Variants in DLEU7 observed in about 807,000 individuals in gnomAD.
DLEU7 encodes the protein deleted in lymphocytic leukemia 7.
In DLEU7, 17 loss-of-function variants were observed where a neutral mutation model predicts 16.0. The ratio of observed to expected loss-of-function variants is 1.06; its 90% CI spans 0.73 to 1.59. The LOEUF (loss-of-function observed/expected upper bound fraction) is 1.59. Ranked by LOEUF, DLEU7 falls within the 40% of genes most tolerant of loss-of-function variation. The probability of loss-of-function intolerance (pLI) is 0.00; values close to 1 mark genes in which losing one functional copy is unlikely to be tolerated. For synonymous variants in DLEU7, 113 were observed against 139.8 expected, an observed-to-expected ratio of 0.81 and a Z score of 1.35; for missense variants, 308 against 314.9, an observed-to-expected ratio of 0.98 and a Z score of 0.17.
rs576679294 is a variant in DLEU7, at chr13:50,828,103, C to T, written c.460-4583G>A. ...TAATATGATAATCATAACATACATT[C>T]AGTCTACACACATACAAGCTGATTT... On this transcript the variant is annotated intron_variant, in intron 1 of 1. Transcript: ENST00000504404. Among the ~76,000 whole-genome samples, 10 of 152,278 alleles carry T rather than the reference C, an allele frequency of 6.6e-5. No individual in the cohort carries two copies. The East Asian group carries it at 1.9e-3, about 29-fold the overall frequency.
intron 1 of DLEU7, among the ~76,000 whole-genome samples, chr13:50,725,056 T>A (rs771584137): frequency 1.3e-5 from 2 of 151,120 alleles, no homozygotes; most frequent in Non-Finnish European, 2.9e-5. Context: ...CCGGGCTGAC[T>A]GTATGTATGT....
intron 1 of DLEU7, among the ~76,000 whole-genome samples, chr13:50,802,120 TAAAAAAAA>T (rs11453529): frequency 1.9e-4 from 10 of 53,022 alleles, no homozygotes; most frequent in African/African-American, 5.5e-4. Flanking sequence ...CTCTATACAC[TAAAAAAAA>T]AAAAAAAAAA....
chr13:50,717,276 G>T (rs968242427), intron 1 of DLEU7, among the ~76,000 whole-genome samples: 8 of 152,188 alleles, frequency 5.3e-5, no homozygotes, highest in Non-Finnish European at 1.2e-4. Context: ...ATATTAGAAA[G>T]TTTATTGGAT....
chr13:50,717,960 G>A (rs556109041), intron 1 of DLEU7, among the ~76,000 whole-genome samples: 2 of 152,258 alleles, frequency 1.3e-5, no homozygotes, highest in African/African-American at 4.8e-5. Flanking sequence ...ATAGCTATGG[G>A]AAAATTTAAA....
chr13:50,760,225 A>G (rs1288951282), intron 1 of DLEU7, among the ~76,000 whole-genome samples: 1 of 152,236 alleles, frequency 6.6e-6, no homozygotes, highest in Non-Finnish European at 1.5e-5. Context: ...TTTAGCAATC[A>G]CAGTTAAGGA....
At position 50,835,817 on chromosome 13, in the gene DLEU7, G is replaced by A. The variant is rs570679399; in HGVS notation, c.459+7371C>T. On this transcript the variant is annotated intron_variant, in intron 1 of 1. Transcript: ENST00000504404. ...TTCTTGAACAACTGAAAATGCACCT[G>A]CAAAATCTTAAAACGGAAGACAAGT... Among the ~76,000 whole-genome samples, 3 of 152,316 alleles carry A rather than the reference G, an allele frequency of 2.0e-5. No homozygotes were observed. The East Asian group carries it at 5.8e-4, about 29-fold the overall frequency.
downstream of DLEU7, chr13:50,711,552 G>C (rs1322188629): frequency 6.6e-6 from 1 of 152,188 alleles, no homozygotes; most frequent in Non-Finnish European, 1.5e-5. Flanking sequence ...CTCAGATGCT[G>C]AAATACTTTG....
chr13:50,755,220 A>G (rs1401599535), intron 1 of DLEU7, among the ~76,000 whole-genome samples: 1 of 152,118 alleles, frequency 6.6e-6, no homozygotes. Flanking sequence ...TGCTTCTTGT[A>G]TTTGAATGTC....
At chr13:50,761,323 G>A (rs537344085) in intron 1 of DLEU7, among the ~76,000 whole-genome samples, 1 of 152,322 alleles carries the variant, frequency 6.6e-6, no homozygotes, top group African/African-American at 2.4e-5. Flanking sequence ...AAGAGTTTGA[G>A]AAGGGGGACG....
intron 1 of DLEU7, among the ~76,000 whole-genome samples, chr13:50,740,489 G>A (rs957743978): frequency 5.9e-5 from 9 of 152,152 alleles, no homozygotes; most frequent in African/African-American, 2.2e-4. Flanking sequence ...ATGACAGATA[G>A]AACAGGCATT....
chr13:50,793,252 T>C (rs1320002789), intron 1 of DLEU7, among the ~76,000 whole-genome samples: 8 of 152,198 alleles, frequency 5.3e-5, no homozygotes, highest in Non-Finnish European at 7.3e-5. Context: ...ATGGCGTATA[T>C]GTACCACATT....
intron 1 of DLEU7, among the ~76,000 whole-genome samples, chr13:50,814,452 TGTTGTTTC>T (rs1447842178): frequency 1.3e-5 from 2 of 152,084 alleles, no homozygotes; most frequent in African/African-American, 4.8e-5. Flanking sequence ...ATATAAATTA[TGTTGTTTC>T]AACAACAAAC....
At chr13:50,782,565 C>T (rs1332452882) in intron 1 of DLEU7, among the ~76,000 whole-genome samples, 1 of 152,168 alleles carries the variant, frequency 6.6e-6, no homozygotes, top group East Asian at 1.9e-4. Context: ...CCTTCCCTTG[C>T]CATGGCTTTA....
At chr13:50,822,755 C>T, downstream of DLEU7, 2 of 985,390 alleles carry the variant, frequency 2.0e-6, no homozygotes, top group South Asian at 4.7e-5. Context: ...AGAAGCAACT[C>T]TTCTCTGCTC....
chr13:50,805,170 G>C (rs1253317174), intron 1 of DLEU7, among the ~76,000 whole-genome samples: 2 of 152,068 alleles, frequency 1.3e-5, no homozygotes, highest in Non-Finnish European at 2.9e-5. Context: ...TATAGCACTA[G>C]CTTTTAGATT....
intron 1 of DLEU7, among the ~76,000 whole-genome samples, chr13:50,791,730 A>T (rs547926017): frequency 1.3e-5 from 2 of 152,336 alleles, no homozygotes; most frequent in South Asian, 4.1e-4. Context: ...TCTATTTAAA[A>T]TGAGAAAAGA....
chr13:50,807,137 A>C (rs1226615019), intron 1 of DLEU7, among the ~76,000 whole-genome samples: 1 of 150,530 alleles, frequency 6.6e-6, no homozygotes, highest in Non-Finnish European at 1.5e-5. Context: ...AAGAGAGTTT[A>C]GATTGTTATC....
At chr13:50,769,035 G>C (rs1374134265) in intron 1 of DLEU7, among the ~76,000 whole-genome samples, 1 of 152,244 alleles carries the variant, frequency 6.6e-6, no homozygotes, top group Non-Finnish European at 1.5e-5. Context: ...CTGATGACCA[G>C]TGATGGTGAG....
chr13:50,792,564 T>A (rs1304742177), intron 1 of DLEU7, among the ~76,000 whole-genome samples: 2 of 152,174 alleles, frequency 1.3e-5, no homozygotes, highest in Non-Finnish European at 2.9e-5. Flanking sequence ...GGCCTAGTTT[T>A]TCCTTCTACT....
Sources: gnomAD v4.1 joint callset for allele counts (sites outside exome capture counted in the v4.1 genomes callset) on GRCh38, gnomAD v4.1.1 for gene constraint, MANE v1.5 for transcripts, NCBI Gene and HGNC (gene_info 2026-07-23, HGNC 2026-07-21) for gene names.